The following IFTAP variants were observed in gnomAD, a reference collection of about 807,000 sequenced individuals.
The protein encoded by IFTAP is intraflagellar transport-associated protein.
In IFTAP, 19 loss-of-function variants were observed where a neutral mutation model predicts 19.4. That is an observed-to-expected ratio of 0.98 (90% confidence interval 0.68 to 1.44). IFTAP has a LOEUF of 1.44. Among genes scored for constraint, IFTAP ranks in the 40% most tolerant of loss-of-function variants. The pLI, the probability that IFTAP is intolerant of heterozygous loss-of-function variation, is 0.00. For synonymous variants in IFTAP, 85 were observed against 83.5 expected (o/e 1.02, Z -0.10); for missense variants, 240 against 253.6 (o/e 0.95, Z 0.36).
intron 1 of IFTAP, among the ~76,000 whole-genome samples, chr11:36,599,582 A>G (rs1489107591): frequency 3.9e-5 from 6 of 152,232 alleles, no homozygotes. Flanking sequence ...TATATTACCT[A>G]AATATATTTG....
At chr11:36,622,421 G>C (rs1852334601) in intron 2 of IFTAP, among the ~76,000 whole-genome samples, 1 of 152,000 alleles carries the variant, frequency 6.6e-6, no homozygotes, top group Non-Finnish European at 1.5e-5. Flanking sequence ...AATCTTTTAG[G>C]TTGCAGATAT....
chr11:36,633,624 T>C (rs1456394882), intron 3 of IFTAP, among the ~76,000 whole-genome samples, 186 bp downstream of exon 3: 1 of 152,148 alleles, frequency 6.6e-6, no homozygotes, highest in African/African-American at 2.4e-5. Context: ...TGTTGACAGC[T>C]ATTGTTTATG....
intron 1 of IFTAP, among the ~76,000 whole-genome samples, chr11:36,604,682 C>A (rs1417542439): frequency 6.6e-6 from 1 of 151,978 alleles, no homozygotes; most frequent in African/African-American, 2.4e-5. Context: ...TTCCTGATGG[C>A]TTCAGATACA....
At chr11:36,628,158 G>T (rs1209603728) in intron 2 of IFTAP, among the ~76,000 whole-genome samples, 3 of 150,916 alleles carry the variant, frequency 2.0e-5, no homozygotes, top group African/African-American at 7.4e-5. Context: ...TTAGAGCACA[G>T]CTCTAATTGT....
chr11:36,641,696 A>G, intron 4 of IFTAP, among the ~76,000 whole-genome samples: 1 of 152,148 alleles, frequency 6.6e-6, no homozygotes, highest in Middle Eastern at 3.2e-3. Context: ...ACTTCCAACT[A>G]TGTGGTCAGT....
intron 5 of IFTAP, among the ~76,000 whole-genome samples, chr11:36,652,824 C>G (rs1182969983): frequency 6.6e-6 from 1 of 151,800 alleles, no homozygotes; most frequent in African/African-American, 2.4e-5. Context: ...GATTTTACCA[C>G]TGGTTCTACA....
intron 5 of IFTAP, among the ~76,000 whole-genome samples, chr11:36,648,537 C>CA (rs1257491217): frequency 1.3e-5 from 2 of 151,762 alleles, no homozygotes; most frequent in Non-Finnish European, 2.9e-5. Context: ...GCTGCTATAA[C>CA]AGAGAATCCT....
intron 4 of IFTAP, among the ~76,000 whole-genome samples, chr11:36,637,745 A>C (rs763700061): frequency 5.9e-5 from 9 of 152,196 alleles, no homozygotes; most frequent in Non-Finnish European, 1.2e-4. Flanking sequence ...AATATAAAAT[A>C]AATTTCATAA....
intron 4 of IFTAP, among the ~76,000 whole-genome samples, chr11:36,641,923 G>T (rs1188977773): frequency 1.3e-5 from 2 of 152,026 alleles, no homozygotes; most frequent in African/African-American, 4.8e-5. Context: ...CTCTTTGTAG[G>T]TCTCTAAGGA....
intron 2 of IFTAP, among the ~76,000 whole-genome samples, chr11:36,611,912 T>C (rs1385974713): frequency 1.3e-5 from 2 of 152,064 alleles, no homozygotes; most frequent in Non-Finnish European, 2.9e-5. Context: ...AACAGCAATA[T>C]GAATGGCTGT....
chr11:36,612,168 GA>G (rs1851902319), intron 2 of IFTAP, among the ~76,000 whole-genome samples: 1 of 151,970 alleles, frequency 6.6e-6, no homozygotes, highest in Non-Finnish European at 1.5e-5. Context: ...TGCTGAGAAA[GA>G]AACTGTTGCA....
chr11:36,651,135 T>A (rs1334504353), intron 5 of IFTAP, among the ~76,000 whole-genome samples: 2 of 152,368 alleles, frequency 1.3e-5, no homozygotes, highest in African/African-American at 4.8e-5. Context: ...CGCCACACTG[T>A]CTTCCACAAT....
intron 5 of IFTAP, among the ~76,000 whole-genome samples, chr11:36,657,513 T>C (rs1019080897): frequency 6.6e-6 from 1 of 152,156 alleles, no homozygotes; most frequent in Non-Finnish European, 1.5e-5. Context: ...GAATGGATCA[T>C]CTTATTTAGA....
At chr11:36,600,425 T>C (rs762400944) in intron 1 of IFTAP, among the ~76,000 whole-genome samples, 5 of 152,210 alleles carry the variant, frequency 3.3e-5, no homozygotes, top group Non-Finnish European at 5.9e-5. Context: ...TAGATTCTCA[T>C]TGGAGTGTGA....
At chr11:36,647,586 T>G (rs1399001781) in intron 4 of IFTAP, among the ~76,000 whole-genome samples, 1 of 152,168 alleles carries the variant, frequency 6.6e-6, no homozygotes, top group African/African-American at 2.4e-5. Flanking sequence ...TTAACATATA[T>G]TTTTGAAATA....
In IFTAP at chr11:36,659,157, A is replaced by C. The variant is rs1289605758; in HGVS notation, c.637A>C (p.Ser213Arg). ...LCKQQKRKDT[S>R]PDLEKSCD is the part of the protein sequence containing the mutation. ...CAAGCAGCAGAAGAGAAAGGACACC[A>C]GCCCAGACTTAGAGAAATCCTGTGA... The change falls in exon 6 of 6, where the codon AGC becomes CGC. Residue 213 changes from serine (S) to arginine (R), a missense_variant. Ser to Arg is a moderately radical substitution (Grantham distance 110). Coordinates refer to ENST00000334307, the MANE Select transcript of IFTAP (RefSeq NM_138787.4). The C allele has an allele frequency of 1.1e-5, 18 of 1,597,862 alleles. No homozygotes were observed. Among genetic ancestry groups the C allele is most frequent in the Non-Finnish European group, 1.4e-5 (16 of 1,173,908 alleles).
chr11:36,655,965 G>A (rs2133549493), intron 5 of IFTAP, among the ~76,000 whole-genome samples: 1 of 152,054 alleles, frequency 6.6e-6, no homozygotes, highest in South Asian at 2.1e-4. Context: ...GAATGTAAAT[G>A]TATTTAAAAA....
intron 2 of IFTAP, among the ~76,000 whole-genome samples, chr11:36,621,268 T>C (rs1269577940): frequency 1.3e-5 from 2 of 152,144 alleles, no homozygotes; most frequent in Middle Eastern, 3.4e-3. Context: ...AATGTTCTTT[T>C]AGCCGTGAAA....
intron 1 of IFTAP, among the ~76,000 whole-genome samples, chr11:36,604,475 A>G (rs1358898950): frequency 6.6e-6 from 1 of 152,010 alleles, no homozygotes; most frequent in African/African-American, 2.4e-5. Flanking sequence ...TTTGTAAGAG[A>G]TGTTTTGTTT....
Sources: allele counts gnomAD v4.1 joint callset (sites outside exome capture counted in the v4.1 genomes callset), GRCh38; gene constraint gnomAD v4.1.1; transcripts MANE v1.5; gene names NCBI Gene and HGNC (gene_info 2026-07-23, HGNC 2026-07-21).